The following STIM2 variants were observed in gnomAD, a reference collection of about 807,000 sequenced individuals.
The protein encoded by STIM2 is stromal interaction molecule 2.
A neutral mutation model predicts 85.8 loss-of-function variants in STIM2; 31 were observed. That is an observed-to-expected ratio of 0.36 (90% CI 0.27 to 0.49). The LOEUF (loss-of-function observed/expected upper bound fraction) is 0.49. Ranked by LOEUF, STIM2 falls within the 20% of genes least tolerant of loss-of-function variation. The pLI is 0.98. For missense variants in STIM2, 841 were observed against 927.6 expected, an observed-to-expected ratio of 0.91 and a Z score of 1.21; for synonymous variants, 356 against 331.1, an observed-to-expected ratio of 1.08 and a Z score of -0.82.
At chr4:26,981,427 TA>T (rs1560228810) in intron 3 of STIM2, among the ~76,000 whole-genome samples, 1 of 152,372 alleles carries the variant, frequency 6.6e-6, no homozygotes, top group East Asian at 1.9e-4. Context: ...TCTACCTGCA[TA>T]ATTGAAGAAG....
intron 1 of STIM2, among the ~76,000 whole-genome samples, chr4:26,897,827 G>A (rs1483524097): frequency 6.6e-6 from 1 of 152,148 alleles, no homozygotes; most frequent in African/African-American, 2.4e-5. Flanking sequence ...GTGCAGAGGT[G>A]TGAACATGGC....
At chr4:27,008,386 T>G in intron 8 of STIM2, 42 bp from the exon 9 acceptor site, 1 of 1,286,812 alleles carries the variant, frequency 7.8e-7, no homozygotes, top group Non-Finnish European at 1.1e-6. Flanking sequence ...ATGTCTGTAT[T>G]TTTTTCAAAC....
intron 2 of STIM2, among the ~76,000 whole-genome samples, chr4:26,928,582 C>G (rs1208582921): frequency 6.6e-6 from 1 of 152,086 alleles, no homozygotes; most frequent in Non-Finnish European, 1.5e-5. Flanking sequence ...CTGTGTGGCT[C>G]ATGCTGGTTT....
intron 1 of STIM2, among the ~76,000 whole-genome samples, chr4:26,908,889 A>G (rs1483731243): frequency 6.6e-6 from 1 of 152,216 alleles, no homozygotes; most frequent in African/African-American, 2.4e-5. Context: ...AAGATTTAGA[A>G]CAAAGTCTAA....
At chr4:27,020,564 C>T (rs1728875671) in intron 11 of STIM2, among the ~76,000 whole-genome samples, 2 of 152,294 alleles carry the variant, frequency 1.3e-5, no homozygotes, top group South Asian at 2.1e-4. Flanking sequence ...GCAGTAAAGA[C>T]GATCTTCATA....
chr4:26,948,089 A>G (rs1002079483), intron 2 of STIM2, among the ~76,000 whole-genome samples: 9 of 152,336 alleles, frequency 5.9e-5, no homozygotes, highest in Non-Finnish European at 1.2e-4. Context: ...TTGTTCAGGT[A>G]TGATTGGATT....
chr4:26,879,396 G>A (rs1722923515), intron 1 of STIM2, among the ~76,000 whole-genome samples: 2 of 151,914 alleles, frequency 1.3e-5, no homozygotes, highest in Admixed American at 6.6e-5. Context: ...ATGGGATTGA[G>A]TCAGGTGACC....
At chr4:27,021,062 A>G in intron 11 of STIM2, 1 of 1,536,670 alleles carries the variant, frequency 6.5e-7, no homozygotes, top group Non-Finnish European at 8.7e-7. Flanking sequence ...GCTCTCAAAA[A>G]AAAAAAGTGA....
At chr4:26,869,541 T>G (rs1722534633) in intron 1 of STIM2, among the ~76,000 whole-genome samples, 1 of 152,066 alleles carries the variant, frequency 6.6e-6, no homozygotes, top group Admixed American at 6.6e-5. Context: ...TATTTATTTA[T>G]TTTTAGAGAT....
chr4:27,022,534 A>T lies in STIM2; in HGVS notation c.1779A>T (p.Thr593=). 6.3e-7 allele frequency: 1 copy of T among 1,593,642 alleles called. No individual in the cohort carries two copies. Residue 593 remains threonine (T), a synonymous_variant, in exon 12 of 12, where the codon ACA becomes ACT. Transcript: ENST00000467087. ...TTTCATTCAGGGAAGTGCCAGACAC[A>T]GCTTCAGAATGTGACTCCTTAAATT...
At chr4:26,908,722 G>A (rs1462828006) in intron 1 of STIM2, among the ~76,000 whole-genome samples, 1 of 152,194 alleles carries the variant, frequency 6.6e-6, no homozygotes, top group African/African-American at 2.4e-5. Context: ...GACCTCAAGT[G>A]ATCCACCCGT....
intron 1 of STIM2, among the ~76,000 whole-genome samples, chr4:26,899,092 TA>T (rs1267328135): frequency 6.6e-6 from 1 of 152,090 alleles, no homozygotes; most frequent in African/African-American, 2.4e-5. Context: ...TGCTATAGAT[TA>T]TTTATCAAGA....
chr4:26,973,534 T>C (rs559005097), intron 3 of STIM2, among the ~76,000 whole-genome samples: 1 of 152,340 alleles, frequency 6.6e-6, no homozygotes, highest in African/African-American at 2.4e-5. Flanking sequence ...TCAGTTTCCA[T>C]GTAGTTGTGC....
chr4:26,869,112 C>T (rs71612811), intron 1 of STIM2, among the ~76,000 whole-genome samples: 433 of 151,936 alleles, frequency 2.8e-3, no homozygotes, highest in South Asian at 7.3e-3. Flanking sequence ...CTGGGCAACA[C>T]GGTGAAATCC....
intron 1 of STIM2, among the ~76,000 whole-genome samples, chr4:26,862,875 T>C (rs1722269241): frequency 6.6e-6 from 1 of 152,190 alleles, no homozygotes. Context: ...AATAAGACTA[T>C]AATTTGAAGA....
intron 2 of STIM2, among the ~76,000 whole-genome samples, chr4:26,954,851 A>G (rs1175113148): frequency 6.8e-6 from 1 of 147,688 alleles, no homozygotes; most frequent in East Asian, 1.9e-4. Context: ...CTTTTATTTC[A>G]TGTGGTTTGT....
intron 2 of STIM2, among the ~76,000 whole-genome samples, chr4:26,950,157 G>A (rs1560217183): frequency 6.6e-6 from 1 of 152,120 alleles, no homozygotes; most frequent in Non-Finnish European, 1.5e-5. Flanking sequence ...TAGAGCTCTA[G>A]TATCAAAAAG....
intron 3 of STIM2, among the ~76,000 whole-genome samples, chr4:26,981,464 T>G (rs536594398): frequency 1.3e-5 from 2 of 152,324 alleles, no homozygotes; most frequent in South Asian, 4.1e-4. Context: ...TTTTTAAATT[T>G]TAATTTCTTA....
intron 2 of STIM2, among the ~76,000 whole-genome samples, chr4:26,955,768 G>A (rs1177451201): frequency 8.0e-6 from 1 of 125,786 alleles, no homozygotes; most frequent in Non-Finnish European, 1.7e-5. Context: ...GGGTGGACAA[G>A]GTGAGCATAT....
Sources: allele counts gnomAD v4.1 joint callset (sites outside exome capture counted in the v4.1 genomes callset), GRCh38; gene constraint gnomAD v4.1.1; transcripts MANE v1.5; gene names NCBI Gene and HGNC (gene_info 2026-07-23, HGNC 2026-07-21).